Variants in TRHDE observed in about 807,000 individuals in gnomAD.
TRHDE encodes the protein thyrotropin releasing hormone degrading enzyme, also known as thyrotropin-releasing hormone-degrading ectoenzyme.
A neutral mutation model predicts 125.7 loss-of-function variants in TRHDE; 72 were observed. The ratio of observed to expected loss-of-function variants is 0.57; its 90% CI spans 0.47 to 0.70. TRHDE has a LOEUF of 0.70. TRHDE is among the 30% of genes least tolerant of loss of function. The probability of loss-of-function intolerance (pLI) is 0.00; values close to 1 mark genes in which losing one functional copy is unlikely to be tolerated. For synonymous variants in TRHDE, 509 were observed against 509.1 expected (o/e 1.00, Z 0.00); for missense variants, 1,110 against 1,327.1 (o/e 0.84, Z 2.54).
At chr12:72,308,169 C>T (rs944255249) in intron 2 of TRHDE, among the ~76,000 whole-genome samples, 1 of 151,740 alleles carries the variant, frequency 6.6e-6, no homozygotes, top group Non-Finnish European at 1.5e-5. Flanking sequence ...GTAACTCTAG[C>T]TCCTGCATTT....
chr12:72,502,708 T>C (rs1324867372), intron 6 of TRHDE, among the ~76,000 whole-genome samples: 1 of 152,182 alleles, frequency 6.6e-6, no homozygotes, highest in African/African-American at 2.4e-5. Flanking sequence ...TGTATCCTTA[T>C]TGATTTTCTG....
At chr12:72,414,470 T>C (rs927851800) in intron 3 of TRHDE, among the ~76,000 whole-genome samples, 3 of 152,102 alleles carry the variant, frequency 2.0e-5, no homozygotes, top group African/African-American at 7.2e-5. Context: ...CATTCATAGA[T>C]TTTAGTTTTA....
intron 2 of TRHDE, among the ~76,000 whole-genome samples, chr12:72,364,057 C>G (rs188235254): frequency 6.6e-6 from 1 of 152,180 alleles, no homozygotes; most frequent in Non-Finnish European, 1.5e-5. Context: ...AGGAAGCCAA[C>G]TTACAAGGGA....
At chr12:72,207,949 A>T (rs764375518) in intron 2 of TRHDE, among the ~76,000 whole-genome samples, 1 of 152,146 alleles carries the variant, frequency 6.6e-6, no homozygotes, top group Non-Finnish European at 1.5e-5. Flanking sequence ...TCAGCTGCTC[A>T]TGAGTCACTG....
At chr12:72,593,590 T>C (rs1161785338) in intron 12 of TRHDE, among the ~76,000 whole-genome samples, 1 of 152,180 alleles carries the variant, frequency 6.6e-6, no homozygotes, top group Non-Finnish European at 1.5e-5. Flanking sequence ...TATGTATACA[T>C]GTGCCATGTT....
At chr12:72,194,167 A>G (rs1017663988) in intron 2 of TRHDE, among the ~76,000 whole-genome samples, 61 of 152,230 alleles carry the variant, frequency 4.0e-4, no homozygotes, top group African/African-American at 1.4e-3. Context: ...TTACTCTGAG[A>G]TAGAATTTAA....
At chr12:72,403,110 G>A (rs929638237) in intron 3 of TRHDE, among the ~76,000 whole-genome samples, 9 of 152,102 alleles carry the variant, frequency 5.9e-5, no homozygotes, top group African/African-American at 1.2e-4. Flanking sequence ...CAACACACTC[G>A]CATACATACA....
Position 72,304,634 on chromosome 12 carries a change from T to C in TRHDE, c.1188+17680T>C, listed in dbSNP as rs191917825. On this transcript the variant is annotated intron_variant, in intron 2 of 18. Coordinates refer to ENST00000261180, the MANE Select transcript of TRHDE (RefSeq NM_013381.3). ...CAGTCAAACAACTGTCTCTAGAAAG[T>C]CTTAAAGCAATGTCTGTCTGATCGA... 1.7e-3 allele frequency among the ~76,000 whole-genome samples: 255 copies of C among 152,244 alleles called. 1 individual carries two copies. Among genetic ancestry groups the C allele is most frequent in the Middle Eastern group, 0.01 (3 of 294 alleles).
Position 72,202,778 on chromosome 12 carries a change from A to G in TRHDE, n.279+97026A>G, listed in dbSNP as rs113431228. On this transcript the variant is annotated intron_variant and non_coding_transcript_variant, in intron 2 of 4. Coordinates refer to the TRHDE transcript ENST00000548156. ...ATACCACTTCCCTTCTAAATAGTCT[A>G]TGTATGTCCATTAGGTTAGACATTT... Among the ~76,000 whole-genome samples the G allele has an allele frequency of 2.3e-3, 345 of 152,284 alleles. 2 individuals carry two copies. The highest frequency in any genetic ancestry group is 7.7e-3 in the African/African-American group (321 of 41,564).
intron 5 of TRHDE, among the ~76,000 whole-genome samples, chr12:72,492,110 C>G (rs866488225): frequency 9.9e-5 from 15 of 152,050 alleles, no homozygotes; most frequent in Middle Eastern, 3.4e-3. Context: ...ACTGTTTTAA[C>G]AGGCTGCAAG....
chr12:72,109,087 T>C (rs1456009142), intron 2 of TRHDE, among the ~76,000 whole-genome samples: 3 of 152,190 alleles, frequency 2.0e-5, no homozygotes, highest in Admixed American at 1.3e-4. Flanking sequence ...ACAATTATCA[T>C]GTAGTCATTC....
chr12:72,582,204 G>A (rs894755365), intron 12 of TRHDE: 11 of 962,228 alleles, frequency 1.1e-5, no homozygotes, highest in African/African-American at 5.4e-5. Flanking sequence ...AAAATAATAC[G>A]CTTTTATTTA....
At chr12:72,181,543 C>T (rs1255409768) in intron 2 of TRHDE, among the ~76,000 whole-genome samples, 3 of 152,128 alleles carry the variant, frequency 2.0e-5, no homozygotes, top group Admixed American at 1.3e-4. Flanking sequence ...GTATTATCAT[C>T]TGCATATTAG....
intron 1 of TRHDE, among the ~76,000 whole-genome samples, chr12:72,279,370 C>A (rs575508496): frequency 6.6e-6 from 1 of 152,314 alleles, no homozygotes; most frequent in South Asian, 2.1e-4. Context: ...ATCCTCCCAA[C>A]CCCTAGCAAT....
At chr12:72,526,073 A>T (rs1385034266) in intron 6 of TRHDE, among the ~76,000 whole-genome samples, 1 of 152,134 alleles carries the variant, frequency 6.6e-6, no homozygotes, top group Non-Finnish European at 1.5e-5. Context: ...CCAGAAAAAA[A>T]TTATATCTAG....
chr12:72,607,823 C>T lies in TRHDE; in HGVS notation c.2322-11068C>T, dbSNP rs570922105. 3.3e-5 allele frequency among the ~76,000 whole-genome samples: 5 copies of T among 152,162 alleles called. No individual in the cohort carries two copies. The South Asian group carries it at 1.0e-3, about 32-fold the overall frequency. On this transcript the variant is annotated intron_variant, in intron 12 of 18. Transcript: ENST00000261180. ...AGAGTCCCTCTGTCTTTTTTGGCTGCTCTTTTAAAGCCTTTCCAAGCCTTT... is the reference window on the plus strand; with the variant it reads ...AGAGTCCCTCTGTCTTTTTTGGCTGTTCTTTTAAAGCCTTTCCAAGCCTTT...
intron 15 of TRHDE, among the ~76,000 whole-genome samples, chr12:72,645,386 A>C (rs991270796): frequency 6.6e-6 from 1 of 152,204 alleles, no homozygotes; most frequent in Non-Finnish European, 1.5e-5. Flanking sequence ...ATTGATCAGC[A>C]ACCTTAAAGA....
intron 13 of TRHDE, among the ~76,000 whole-genome samples, chr12:72,620,618 CATT>C (rs1873013993): frequency 2.0e-5 from 3 of 152,100 alleles, no homozygotes. Flanking sequence ...TTTGAAATAT[CATT>C]ATAATTACAC....
intron 2 of TRHDE, among the ~76,000 whole-genome samples, chr12:72,142,901 G>A (rs537638693): frequency 4.6e-5 from 7 of 152,012 alleles, no homozygotes; most frequent in East Asian, 1.9e-4. Context: ...CCATCTCACC[G>A]AGAGCCACCT....
Sources: allele counts gnomAD v4.1 joint callset (sites outside exome capture counted in the v4.1 genomes callset), GRCh38; gene constraint gnomAD v4.1.1; transcripts MANE v1.5; gene names NCBI Gene and HGNC (gene_info 2026-07-23, HGNC 2026-07-21).